Variants in TMEM200A observed in about 807,000 individuals in gnomAD.
TMEM200A encodes transmembrane protein 200A.
In TMEM200A, 12 loss-of-function variants were observed where a neutral mutation model predicts 24.3. That is an observed-to-expected ratio of 0.49 (90% CI 0.32 to 0.80). The LOEUF (loss-of-function observed/expected upper bound fraction) is 0.80, where lower values mean the gene tolerates loss of function less well. Ranked by LOEUF, TMEM200A falls within the 30% of genes least tolerant of loss-of-function variation. TMEM200A has a pLI of 0.04. For missense variants in TMEM200A, 545 were observed against 614.4 expected (o/e 0.89, Z 1.19); for synonymous variants, 224 against 224.4 (o/e 1.00, Z 0.02).
intron 2 of TMEM200A, among the ~76,000 whole-genome samples, chr6:130,396,436 A>G (rs774506442): frequency 2.0e-5 from 3 of 151,318 alleles, no homozygotes; most frequent in African/African-American, 2.4e-5. Flanking sequence ...AAAATATCTC[A>G]GGAGGAAAGG....
At chr6:130,380,069 A>G (rs1045546815) in intron 1 of TMEM200A, among the ~76,000 whole-genome samples, 1 of 152,232 alleles carries the variant, frequency 6.6e-6, no homozygotes, top group African/African-American at 2.4e-5. Context: ...AGTTTCTTCA[A>G]TTTAATCTAT....
chr6:130,411,578 T>G (rs1779331273), intron 2 of TMEM200A, among the ~76,000 whole-genome samples: 1 of 152,206 alleles, frequency 6.6e-6, no homozygotes, highest in Admixed American at 6.5e-5. Context: ...GTGTTGAATT[T>G]AGTGGTTGTA....
chr6:130,396,369 T>TG (rs901492278), intron 2 of TMEM200A, among the ~76,000 whole-genome samples: 1 of 151,664 alleles, frequency 6.6e-6, no homozygotes. Context: ...AGTCTGTTTT[T>TG]TTTTTTTTTT....
At chr6:130,374,030 T>TATAA (rs1778381651) in intron 1 of TMEM200A, among the ~76,000 whole-genome samples, 1 of 101,644 alleles carries the variant, frequency 9.8e-6, no homozygotes. Context: ...AAAATTTACT[T>TATAA]ATGTTTCTGA....
intron 2 of TMEM200A, among the ~76,000 whole-genome samples, chr6:130,420,886 G>A (rs1779566470): frequency 6.6e-6 from 1 of 151,926 alleles, no homozygotes; most frequent in African/African-American, 2.4e-5. Flanking sequence ...ATCCTTCATG[G>A]CCAGGCTGTG....
At chr6:130,405,995 A>G (rs912282748) in intron 2 of TMEM200A, among the ~76,000 whole-genome samples, 1 of 152,156 alleles carries the variant, frequency 6.6e-6, no homozygotes, top group African/African-American at 2.4e-5. Flanking sequence ...CTCACCCTCT[A>G]TCATTCCCTG....
At chr6:130,422,565 C>T (rs1779622506) in intron 2 of TMEM200A, among the ~76,000 whole-genome samples, 1 of 152,160 alleles carries the variant, frequency 6.6e-6, no homozygotes, top group African/African-American at 2.4e-5. Flanking sequence ...CCACACACAG[C>T]CTTATTGTAC....
chr6:130,424,618 T>C lies in TMEM200A; in HGVS notation c.-16-15789T>C, dbSNP rs139402637. Reference sequence around the variant, plus strand: ...TAAGGCTGTAGACCTTAGTTAACTTTATTTAATTTCAATTTGAATGAGTCC... The same window carrying C: ...TAAGGCTGTAGACCTTAGTTAACTTCATTTAATTTCAATTTGAATGAGTCC... On this transcript the variant is annotated intron_variant, in intron 2 of 2. Transcript: ENST00000296978. Among the ~76,000 whole-genome samples, 3 of 152,282 alleles carry C rather than the reference T, an allele frequency of 2.0e-5. No individual in the cohort carries two copies. In the East Asian group the frequency reaches 5.8e-4, roughly 29 times the overall value.
chr6:130,390,899 G>T (rs1778817852), intron 2 of TMEM200A, among the ~76,000 whole-genome samples: 1 of 152,126 alleles, frequency 6.6e-6, no homozygotes, highest in Admixed American at 6.5e-5. Flanking sequence ...TTGACAGTTT[G>T]GACTGAATAA....
chr6:130,429,970 G>A (rs894282859), intron 2 of TMEM200A, among the ~76,000 whole-genome samples: 2 of 152,124 alleles, frequency 1.3e-5, no homozygotes, highest in Non-Finnish European at 2.9e-5. Context: ...TGCTTACATT[G>A]GGGAAGGAGA....
chr6:130,438,240 T>A (rs534234959), intron 2 of TMEM200A: 1 of 152,210 alleles, frequency 6.6e-6, no homozygotes, highest in African/African-American at 2.4e-5. Context: ...AGTTTGTTCT[T>A]CCAACATAAA....
chr6:130,422,222 C>A (rs1583218092), intron 2 of TMEM200A, among the ~76,000 whole-genome samples: 1 of 151,958 alleles, frequency 6.6e-6, no homozygotes, highest in Non-Finnish European at 1.5e-5. Context: ...TATCTTTTGT[C>A]TTTTTGGTAA....
intron 2 of TMEM200A, among the ~76,000 whole-genome samples, chr6:130,387,304 G>A (rs762327634): frequency 2.0e-5 from 3 of 152,024 alleles, no homozygotes; most frequent in African/African-American, 4.8e-5. Flanking sequence ...ACGGACTCTC[G>A]CTCTGTCACC....
intron 2 of TMEM200A, among the ~76,000 whole-genome samples, chr6:130,429,790 A>G (rs1367969734): frequency 6.6e-6 from 1 of 152,216 alleles, no homozygotes; most frequent in Non-Finnish European, 1.5e-5. Flanking sequence ...CTGTATGCTA[A>G]AAGATACAAT....
chr6:130,405,139 A>T (rs1779176523), intron 2 of TMEM200A, among the ~76,000 whole-genome samples: 1 of 151,822 alleles, frequency 6.6e-6, no homozygotes, highest in South Asian at 2.1e-4. Context: ...TGGCTATTGG[A>T]GCTCTTTTTG....
chr6:130,426,729 G>A (rs1239422257), intron 2 of TMEM200A, among the ~76,000 whole-genome samples: 1 of 152,158 alleles, frequency 6.6e-6, no homozygotes, highest in Non-Finnish European at 1.5e-5. Flanking sequence ...CCAGGAGGAA[G>A]CTATCAATAA....
Position 130,441,543 on chromosome 6 carries a change from C to T in TMEM200A, c.1121C>T (p.Ser374Phe). 7 of 1,614,032 alleles carry T rather than the reference C, an allele frequency of 4.3e-6. No individual in the cohort carries two copies. The highest frequency in any genetic ancestry group is 5.9e-6 in the Non-Finnish European group (7 of 1,179,988). Reference protein sequence around the residue: ...ALGPGAGQLLSPGAARRQFGS... With the variant: ...ALGPGAGQLLFPGAARRQFGS... ...GGACCTGGGGCTGGACAGCTCTTGT[C>T]TCCTGGGGCTGCCAGAAGACAGTTT... Residue 374 changes from serine to phenylalanine, a missense_variant, in exon 3 of 3, where the codon TCT (serine) becomes TTT (phenylalanine). Transcript: ENST00000296978.
Position 130,441,668 on chromosome 6 carries a change from C to G in TMEM200A, c.1246C>G (p.His416Asp). The change falls in exon 3 of 3, where the codon CAT becomes GAT. Residue 416 changes from histidine to aspartate, a missense_variant. By Grantham distance (81) the His-to-Asp change is moderately conservative. Transcript: ENST00000296978. ...TLTVQAEQRK[H>D]PSWPRLDRNN... ...AACTGTTCAGGCAGAACAACGGAAA[C>G]ATCCAAGTTGGCCTAGGTTGGATCG... The G allele has an allele frequency of 6.2e-7, 1 of 1,614,098 alleles. No individual in the cohort carries two copies. The highest frequency in any genetic ancestry group is 8.5e-7 in the Non-Finnish European group (1 of 1,180,022).
At chr6:130,398,392 A>G (rs144677139) in intron 2 of TMEM200A, among the ~76,000 whole-genome samples, 7 of 151,696 alleles carry the variant, frequency 4.6e-5, no homozygotes, top group African/African-American at 1.7e-4. Context: ...GGTTGATTCC[A>G]TGTCTTTGCT....
Sources: allele counts gnomAD v4.1 joint callset (sites outside exome capture counted in the v4.1 genomes callset), GRCh38; gene constraint gnomAD v4.1.1; transcripts MANE v1.5; gene names NCBI Gene and HGNC (gene_info 2026-07-23, HGNC 2026-07-21).